Variants in VPS37D observed in about 807,000 individuals in gnomAD.
VPS37D encodes the protein vacuolar protein sorting-associated protein 37D.
A neutral mutation model predicts 22.0 loss-of-function variants in VPS37D; 5 were observed. The ratio of observed to expected loss-of-function variants is 0.23; its 90% CI spans 0.12 to 0.48. The LOEUF (loss-of-function observed/expected upper bound fraction) is 0.48, where lower values mean the gene tolerates loss of function less well. VPS37D is among the 20% of genes least tolerant of loss of function. The pLI, the probability that VPS37D is intolerant of heterozygous loss-of-function variation, is 0.99. For missense variants in VPS37D, 384 were observed against 345.8 expected (o/e 1.11, Z -0.88); for synonymous variants, 174 against 159.3 (o/e 1.09, Z -0.69).
In VPS37D at chr7:73,671,149, C is replaced by A; in HGVS notation, c.529C>A (p.Arg177Ser). 6.2e-7 allele frequency: 1 copy of A among 1,606,526 alleles called. No individual in the cohort carries two copies. Among genetic ancestry groups the A allele is most frequent in the East Asian group, 2.2e-5 (1 of 44,780 alleles). ...GCAGGAGCTGCTGCGGCGTCGGGAG[C>A]GTTCTGCCCAGCCGGCCCCCACCTC... ...KLQELLRRRE[R>S]SAQPAPTSAA... The change falls in exon 4 of 4, where the codon CGT becomes AGT. Residue 177 changes from arginine (R) to serine (S), a missense_variant. Transcript: ENST00000324941.
rs1238865367 is a variant in VPS37D, at chr7:73,671,225, G to C, written c.605G>C (p.Gly202Ala). 8.3e-6 allele frequency: 13 copies of C among 1,558,990 alleles called. No individual in the cohort carries two copies. The highest frequency in any genetic ancestry group is 4.1e-5 in the African/African-American group (3 of 73,332). Residue 202 changes from glycine (G) to alanine (A), a missense_variant, in exon 4 of 4, where the codon GGG becomes GCG. Coordinates refer to ENST00000324941, the MANE Select transcript of VPS37D (RefSeq NM_001077621.2). ...CCGGCTGCAGCTGTCCTGCCCACTG[G>C]GGCCGCCCGGGGGCCACCAGCAGTG... ...SFPAAAVLPT[G>A]AARGPPAVPR... is the part of the protein sequence containing the mutation.
chr7:73,669,612 C>G (rs1333279518), intron 2 of VPS37D, 22 bp downstream of exon 2: 1 of 1,569,738 alleles, frequency 6.4e-7, no homozygotes, highest in African/African-American at 1.4e-5. Context: ...TCTGGGAGAA[C>G]CCCCTGGGGC....
At position 73,671,175 on chromosome 7, in the gene VPS37D, G is replaced by A. The variant is rs782153554; in HGVS notation, c.555G>A (p.Ser185=). The change falls in exon 4 of 4, where the codon TCG becomes TCA. Residue 185 remains serine, a synonymous_variant. Coordinates refer to ENST00000324941, the MANE Select transcript of VPS37D (RefSeq NM_001077621.2). ...RERSAQPAPT[S]AADPPKSFPA... is the part of the protein sequence containing the mutation. ...GTTCTGCCCAGCCGGCCCCCACCTCGGCTGCTGATCCCCCCAAATCCTTCC... is the reference window on the plus strand; with the variant it reads ...GTTCTGCCCAGCCGGCCCCCACCTCAGCTGCTGATCCCCCCAAATCCTTCC... 1.1e-5 allele frequency: 17 copies of A among 1,603,914 alleles called. No individual in the cohort carries two copies. The highest frequency in any genetic ancestry group is 2.2e-5 in the South Asian group (2 of 90,426).
intron 1 of VPS37D, 56 bp downstream of exon 1, chr7:73,668,152 C>T (rs1425455334): frequency 2.2e-5 from 23 of 1,033,476 alleles, no homozygotes; most frequent in Middle Eastern, 3.8e-4. Flanking sequence ...CCTGCGGGAC[C>T]TGCCGCTCGA....
At chr7:73,668,251 G>A (rs1797427012) in intron 1 of VPS37D, among the ~76,000 whole-genome samples, 155 bp downstream of exon 1, 1 of 151,486 alleles carries the variant, frequency 6.6e-6, no homozygotes, top group South Asian at 2.1e-4. Flanking sequence ...CACCCCCGGG[G>A]GAGGGGGCGC....
At position 73,671,388 on chromosome 7, in the gene VPS37D, C is replaced by T. The variant is rs1554609786; in HGVS notation, c.*12C>T. 5.9e-6 allele frequency: 8 copies of T among 1,360,210 alleles called. No homozygotes were observed. The highest frequency in any genetic ancestry group is 3.1e-5 in the East Asian group (1 of 32,778). 84.3% of individuals were successfully genotyped at this position (1,360,210 alleles called of 1,614,324 possible). On this transcript the variant is annotated 3_prime_UTR_variant, in exon 4 of 4. Coordinates refer to ENST00000324941, the MANE Select transcript of VPS37D (RefSeq NM_001077621.2). ...CCCCCCACCGGTAGGATCCACGGTG[C>T]GGCCCCCCAGTTGGGGGGCCTAGAC...
At chr7:73,666,531 C>G (rs948922247), upstream of VPS37D, among the ~76,000 whole-genome samples, 1 of 151,788 alleles carries the variant, frequency 6.6e-6, no homozygotes, top group Non-Finnish European at 1.5e-5. Context: ...CAGGTTCAAG[C>G]GATTCTCCTG....
upstream of VPS37D, among the ~76,000 whole-genome samples, chr7:73,665,551 T>A (rs1369541138): frequency 2.6e-5 from 4 of 151,948 alleles, no homozygotes; most frequent in Admixed American, 1.3e-4. Flanking sequence ...GAACTGTTTT[T>A]AAAAAAAAGT....
upstream of VPS37D, among the ~76,000 whole-genome samples, chr7:73,667,425 C>T (rs1797399275): frequency 6.6e-6 from 1 of 152,204 alleles, no homozygotes. Context: ...GCCACCGCGC[C>T]CGGCCAGCAA....
chr7:73,668,926 G>A (rs190498727), intron 1 of VPS37D, among the ~76,000 whole-genome samples: 1 of 152,006 alleles, frequency 6.6e-6, no homozygotes, highest in Non-Finnish European at 1.5e-5. Context: ...AGGGGACGGG[G>A]TGCAGACACC....
chr7:73,666,540 T>C (rs1358258424), upstream of VPS37D, among the ~76,000 whole-genome samples: 4 of 151,918 alleles, frequency 2.6e-5, no homozygotes, highest in Admixed American at 2.0e-4. Flanking sequence ...GCGATTCTCC[T>C]GCCTCAGCCA....
Position 73,669,865 on chromosome 7 carries a change from C to T in VPS37D, c.311-155C>T, listed in dbSNP as rs928188850. On this transcript the variant is annotated intron_variant, in intron 2 of 3. Transcript: ENST00000324941. ...CGAGGAGCAGAAACTTGGTAGGGGCCGGATCCACAAAGCGGTCACATGGGC... is the reference window on the plus strand; with the variant it reads ...CGAGGAGCAGAAACTTGGTAGGGGCTGGATCCACAAAGCGGTCACATGGGC... Among the ~76,000 whole-genome samples the T allele has an allele frequency of 4.6e-5, 7 of 152,102 alleles. No homozygotes were observed. The South Asian group carries it at 1.0e-3, about 23-fold the overall frequency.
Position 73,667,913 on chromosome 7 carries a change from C to T in VPS37D, c.-46C>T, listed in dbSNP as rs1450839538. On this transcript the variant is annotated 5_prime_UTR_variant, in exon 1 of 4. Transcript: ENST00000324941. ...GGAGCGGAGCCGGGGCGGAGCGGGC[C>T]GAGCGGGCCGAGCCAGCAGCCGAGC... The T allele has an allele frequency of 3.9e-6, 3 of 764,114 alleles. No individual in the cohort carries two copies. Among genetic ancestry groups the T allele is most frequent in the East Asian group, 1.2e-4 (1 of 8,508 alleles). 47.3% of individuals were successfully genotyped at this position (764,114 alleles called of 1,614,324 possible).
chr7:73,668,554 T>G (rs1797433453), intron 1 of VPS37D, among the ~76,000 whole-genome samples: 1 of 151,720 alleles, frequency 6.6e-6, no homozygotes, highest in Non-Finnish European at 1.5e-5. Flanking sequence ...GGAGGGGTGC[T>G]GGAAGCTGCC....
intron 1 of VPS37D, 131 bp from the exon 2 acceptor site, chr7:73,669,288 A>G (rs1231967380): frequency 3.3e-6 from 4 of 1,228,710 alleles, no homozygotes; most frequent in African/African-American, 1.5e-5. Flanking sequence ...TGGGTTCACC[A>G]CCCTGAAGGG....
chr7:73,670,197 TC>T (rs1797476032), intron 3 of VPS37D, 95 bp downstream of exon 3: 4 of 1,531,966 alleles, frequency 2.6e-6, no homozygotes, highest in Non-Finnish European at 3.5e-6. Flanking sequence ...GGGGAGCCCC[TC>T]CTCTGGGAAG....
chr7:73,668,232 C>T, intron 1 of VPS37D, 136 bp downstream of exon 1: 1 of 443,448 alleles, frequency 2.3e-6, no homozygotes, highest in Non-Finnish European at 3.1e-6. Context: ...CGAGTGGGCC[C>T]CGCGGAGCCA....
At chr7:73,669,612 C>A (rs1333279518) in intron 2 of VPS37D, 22 bp downstream of exon 2, 7 of 1,569,738 alleles carry the variant, frequency 4.5e-6, no homozygotes, top group East Asian at 2.3e-5. Context: ...TCTGGGAGAA[C>A]CCCCTGGGGC....
chr7:73,668,164 G>A (rs1554609013), intron 1 of VPS37D, 68 bp downstream of exon 1: 6 of 996,646 alleles, frequency 6.0e-6, no homozygotes, highest in African/African-American at 1.7e-5. Flanking sequence ...GCCGCTCGAG[G>A]GAAGGGCCGC....
Sources: gnomAD v4.1 joint callset for allele counts (sites outside exome capture counted in the v4.1 genomes callset) on GRCh38, gnomAD v4.1.1 for gene constraint, MANE v1.5 for transcripts, NCBI Gene and HGNC (gene_info 2026-07-23, HGNC 2026-07-21) for gene names.